TMEM131L: variants seen among roughly 807,000 people sequenced by gnomAD.
TMEM131L encodes transmembrane 131 like.
Under a neutral mutation model 192.2 loss-of-function variants are expected in TMEM131L, and 54 were observed. That is an observed-to-expected ratio of 0.28 (90% CI 0.23 to 0.35). The LOEUF is 0.35. TMEM131L is among the 10% of genes least tolerant of loss of function. The pLI is 1.00. For synonymous variants in TMEM131L, 701 were observed against 704.9 expected (o/e 0.99, Z 0.09); for missense variants, 1,888 against 1,972.9 (o/e 0.96, Z 0.82).
intron 3 of TMEM131L, among the ~76,000 whole-genome samples, chr4:153,515,410 G>A (rs1734662209): frequency 6.6e-6 from 1 of 152,326 alleles, no homozygotes; most frequent in African/African-American, 2.4e-5. Context: ...CACATGGCAT[G>A]TAACAATACT....
intron 6 of TMEM131L, among the ~76,000 whole-genome samples, chr4:153,557,392 C>T (rs562742501): frequency 6.6e-6 from 1 of 152,130 alleles, no homozygotes; most frequent in East Asian, 1.9e-4. Flanking sequence ...AAACTCATGG[C>T]TCTCACCTCA....
At chr4:153,576,974 A>C (rs1729992613) in intron 7 of TMEM131L, among the ~76,000 whole-genome samples, 1 of 152,164 alleles carries the variant, frequency 6.6e-6, no homozygotes, top group African/African-American at 2.4e-5. Flanking sequence ...GATGCTTAGA[A>C]TCTCCTGGCG....
At chr4:153,559,334 T>A (rs748585526) in intron 7 of TMEM131L, among the ~76,000 whole-genome samples, 5 of 152,202 alleles carry the variant, frequency 3.3e-5, no homozygotes, top group Admixed American at 1.3e-4. Context: ...AAGGAAGACT[T>A]CTTTTAATTT....
In TMEM131L at chr4:153,585,560, T is replaced by C. The variant is rs141615578; in HGVS notation, c.1260T>C (p.Ser420=). Residue 420 remains serine, a synonymous_variant, in exon 13 of 35, where the codon AGT becomes AGC. Transcript: ENST00000409959. The part of the protein sequence containing the change: ...SIWYRNHFDR[S]VVLNDVFLSK... ...GGTACCGCAACCATTTTGACCGTAG[T>C]GTTGTATTAAATGATGTGTTTCTTT... 1 of 1,613,948 alleles carries C rather than the reference T, an allele frequency of 6.2e-7. No homozygotes were observed. The highest frequency in any genetic ancestry group is 1.3e-5 in the African/African-American group (1 of 74,906).
At chr4:153,499,271 A>G (rs1733415062) in intron 3 of TMEM131L, among the ~76,000 whole-genome samples, 1 of 152,136 alleles carries the variant, frequency 6.6e-6, no homozygotes, top group Non-Finnish European at 1.5e-5. Flanking sequence ...TAGCTCAGAC[A>G]TGGCCTCGGG....
At chr4:153,598,501 T>A in intron 20 of TMEM131L, 89 bp from the exon 21 acceptor site, 3 of 1,161,374 alleles carry the variant, frequency 2.6e-6, no homozygotes, top group East Asian at 2.5e-5. Context: ...TTAAAAATAT[T>A]CTTGATAACT....
At chr4:153,594,919 C>A (rs1000195309) in intron 19 of TMEM131L, among the ~76,000 whole-genome samples, 9 of 152,140 alleles carry the variant, frequency 5.9e-5, no homozygotes, top group Non-Finnish European at 1.2e-4. Flanking sequence ...TGATATCTTG[C>A]CTCACTGGTA....
chr4:153,569,687 G>T (rs1457180326), intron 7 of TMEM131L, among the ~76,000 whole-genome samples: 1 of 152,206 alleles, frequency 6.6e-6, no homozygotes, highest in Non-Finnish European at 1.5e-5. Flanking sequence ...TAATCTCCCT[G>T]TGTCTCAGTT....
chr4:153,588,041 GTT>G (rs60174380), intron 15 of TMEM131L, among the ~76,000 whole-genome samples: 96 of 122,138 alleles, frequency 7.9e-4, no homozygotes, highest in African/African-American at 2.2e-3. Flanking sequence ...TTCCGCAAGG[GTT>G]TTTTTTTTTT....
chr4:153,474,107 C>T (rs1041697057), intron 3 of TMEM131L, among the ~76,000 whole-genome samples: 6 of 152,216 alleles, frequency 3.9e-5, no homozygotes, highest in Non-Finnish European at 7.3e-5. Context: ...GCCCCTCCTT[C>T]GCCACTCACC....
At chr4:153,534,916 A>T (rs1053994160) in intron 3 of TMEM131L, among the ~76,000 whole-genome samples, 1 of 152,136 alleles carries the variant, frequency 6.6e-6, no homozygotes, top group Non-Finnish European at 1.5e-5. Context: ...AGACCTGGAG[A>T]GGGGTGTGGA....
intron 3 of TMEM131L, among the ~76,000 whole-genome samples, chr4:153,533,016 G>GTTTTT (rs1736027464): frequency 7.2e-6 from 1 of 138,276 alleles, no homozygotes; most frequent in African/African-American, 2.8e-5. Flanking sequence ...ACAGAGTTTC[G>GTTTTT]TTCTTGTTGC....
chr4:153,468,796 G>T (rs1386731075), intron 2 of TMEM131L, among the ~76,000 whole-genome samples: 2 of 151,014 alleles, frequency 1.3e-5, no homozygotes, highest in Non-Finnish European at 1.5e-5. Flanking sequence ...GACATTGCTA[G>T]ATGTCCCTGG....
chr4:153,587,087 C>G (rs1035501903), intron 14 of TMEM131L, among the ~76,000 whole-genome samples: 1 of 152,070 alleles, frequency 6.6e-6, no homozygotes, highest in Non-Finnish European at 1.5e-5. Context: ...GCTTAACTAG[C>G]TGTAAGCGTA....
chr4:153,467,826 C>T (rs181716973), intron 2 of TMEM131L, among the ~76,000 whole-genome samples: 1 of 152,040 alleles, frequency 6.6e-6, no homozygotes, highest in Non-Finnish European at 1.5e-5. Flanking sequence ...ATGATGATTG[C>T]GTGTAGAAAA....
chr4:153,624,965 G>A (rs1024776193), intron 29 of TMEM131L, among the ~76,000 whole-genome samples: 10 of 152,180 alleles, frequency 6.6e-5, no homozygotes, highest in East Asian at 1.9e-4. Flanking sequence ...AGTTCTCCGC[G>A]TTTTCAGTTT....
intron 3 of TMEM131L, among the ~76,000 whole-genome samples, chr4:153,535,978 GCTT>G (rs1736289687): frequency 6.6e-6 from 1 of 152,186 alleles, no homozygotes; most frequent in Non-Finnish European, 1.5e-5. Context: ...GGAGCGCTCT[GCTT>G]CTTTTGGAAT....
At chr4:153,537,654 C>T (rs1251968096) in intron 3 of TMEM131L, among the ~76,000 whole-genome samples, 4 of 152,228 alleles carry the variant, frequency 2.6e-5, no homozygotes, top group South Asian at 2.1e-4. Context: ...GGGTTTCGGC[C>T]GGCTTCTTTA....
intron 2 of TMEM131L, among the ~76,000 whole-genome samples, chr4:153,470,260 T>C (rs1731059065): frequency 6.6e-6 from 1 of 152,160 alleles, no homozygotes; most frequent in African/African-American, 2.4e-5. Flanking sequence ...TTTGAGAAGA[T>C]TAAGTGCCTG....
Sources: gnomAD v4.1 joint callset for allele counts (sites outside exome capture counted in the v4.1 genomes callset) on GRCh38, gnomAD v4.1.1 for gene constraint, MANE v1.5 for transcripts, NCBI Gene and HGNC (gene_info 2026-07-23, HGNC 2026-07-21) for gene names.